The following RAPGEF4 variants were observed in gnomAD, a reference collection of about 807,000 sequenced individuals.
The protein encoded by RAPGEF4 is RAP guanine-nucleotide-exchange factor (GEF) 4.
Under a neutral mutation model 147.9 loss-of-function variants are expected in RAPGEF4, and 66 were observed. The observed-to-expected ratio is 0.45, with a 90% CI of 0.37 to 0.55. RAPGEF4 has a LOEUF of 0.55. Ranked by LOEUF, RAPGEF4 falls within the 20% of genes least tolerant of loss-of-function variation. The pLI, the probability that RAPGEF4 is intolerant of heterozygous loss-of-function variation, is 0.00. For missense variants in RAPGEF4, 1,071 were observed against 1,257.3 expected (o/e 0.85, Z 2.24); for synonymous variants, 419 against 442.7 (o/e 0.95, Z 0.67).
intron 6 of RAPGEF4, among the ~76,000 whole-genome samples, chr2:172,948,188 G>A (rs1327352343): frequency 6.6e-6 from 1 of 152,134 alleles, no homozygotes; most frequent in African/African-American, 2.4e-5. Context: ...ATGGTGAATA[G>A]CACTGCTCTG....
chr2:172,791,566 A>G (rs188973613), intron 1 of RAPGEF4, among the ~76,000 whole-genome samples: 1 of 152,328 alleles, frequency 6.6e-6, no homozygotes, highest in East Asian at 1.9e-4. Flanking sequence ...CACTCCATGA[A>G]GTACCCAATA....
Position 172,774,324 on chromosome 2 carries a change from C to G in RAPGEF4, c.66-20701C>G, listed in dbSNP as rs1387029344. On this transcript the variant is annotated intron_variant, in intron 1 of 30. Transcript: ENST00000397081. The stretch of plus-strand genomic sequence containing the variant: ...TTTTTAAATATCTCTGGTGGCCTTC[C>G]CATGGTTAGCAGAATAAAGTCTGTG... 4.6e-5 allele frequency among the ~76,000 whole-genome samples: 7 copies of G among 152,074 alleles called. No homozygotes were observed. The East Asian group carries it at 1.3e-3, about 29-fold the overall frequency.
At chr2:172,745,637 C>A (rs1694701805) in intron 1 of RAPGEF4, among the ~76,000 whole-genome samples, 1 of 151,920 alleles carries the variant, frequency 6.6e-6, no homozygotes, top group East Asian at 1.9e-4. Context: ...AAAGTGGAAA[C>A]TTAGTTGGTT....
At chr2:173,010,846 T>G (rs1694931398) in intron 17 of RAPGEF4, among the ~76,000 whole-genome samples, 1 of 152,218 alleles carries the variant, frequency 6.6e-6, no homozygotes, top group South Asian at 2.1e-4. Flanking sequence ...ATGTGTTGCC[T>G]CTGGAGGAGC....
chr2:172,788,534 G>C (rs995959720), intron 1 of RAPGEF4, among the ~76,000 whole-genome samples: 6 of 152,036 alleles, frequency 3.9e-5, no homozygotes, highest in Non-Finnish European at 7.4e-5. Context: ...GTTTTCATGT[G>C]GCAGGAGTCT....
intron 4 of RAPGEF4, among the ~76,000 whole-genome samples, chr2:172,906,953 G>T (rs1189806556): frequency 6.6e-6 from 1 of 152,214 alleles, no homozygotes; most frequent in Non-Finnish European, 1.5e-5. Flanking sequence ...CTACCTCTAG[G>T]CCATATGGAG....
rs191096779 is a variant in RAPGEF4 at position 172,962,655 on chromosome 2, A to T, written c.698+1427A>T. On this transcript the variant is annotated intron_variant, in intron 8 of 30. Coordinates refer to ENST00000397081, the MANE Select transcript of RAPGEF4 (RefSeq NM_007023.4). ...GTTAGAAGACCAAAATTGACAGTGT[A>T]TTACATTTAGATTGGCCTCTTGTTG... Among the ~76,000 whole-genome samples the T allele has an allele frequency of 1.2e-4, 19 of 152,150 alleles. No individual in the cohort carries two copies. The East Asian group carries it at 3.5e-3, about 28-fold the overall frequency.
At chr2:172,864,148 A>G (rs888585153) in intron 4 of RAPGEF4, among the ~76,000 whole-genome samples, 4 of 152,124 alleles carry the variant, frequency 2.6e-5, no homozygotes, top group Admixed American at 2.0e-4. Flanking sequence ...CATGGGTTCT[A>G]CCTTTACCCA....
intron 17 of RAPGEF4, among the ~76,000 whole-genome samples, chr2:173,008,681 A>G (rs1281690429): frequency 6.6e-6 from 1 of 152,228 alleles, no homozygotes; most frequent in African/African-American, 2.4e-5. Flanking sequence ...GCTGTAATGA[A>G]TCTGCTGCCT....
chr2:172,978,490 G>T (rs1012681969), intron 10 of RAPGEF4, among the ~76,000 whole-genome samples: 2 of 152,172 alleles, frequency 1.3e-5, no homozygotes, highest in Non-Finnish European at 2.9e-5. Flanking sequence ...TCCTCCTGGG[G>T]CGTCTGTCTT....
At chr2:172,891,086 A>G (rs986806279) in intron 4 of RAPGEF4, among the ~76,000 whole-genome samples, 7 of 152,174 alleles carry the variant, frequency 4.6e-5, no homozygotes, top group Non-Finnish European at 8.8e-5. Flanking sequence ...AGCTGAGATC[A>G]TGCCACTCTA....
chr2:172,783,117 A>G (rs1684832694), intron 1 of RAPGEF4, among the ~76,000 whole-genome samples: 2 of 152,228 alleles, frequency 1.3e-5, no homozygotes, highest in African/African-American at 2.4e-5. Flanking sequence ...CATTCTTTAG[A>G]TATTAGCAGG....
At chr2:172,763,455 G>C (rs976389332) in intron 1 of RAPGEF4, among the ~76,000 whole-genome samples, 6 of 152,150 alleles carry the variant, frequency 3.9e-5, no homozygotes, top group Non-Finnish European at 8.8e-5. Context: ...TGAGAAATCA[G>C]ATCAGACTTT....
intron 4 of RAPGEF4, among the ~76,000 whole-genome samples, chr2:172,890,118 C>T (rs937730596): frequency 1.2e-4 from 18 of 152,266 alleles, no homozygotes; most frequent in Admixed American, 1.0e-3. Flanking sequence ...CAATGTGAAC[C>T]GAAAATAATT....
intron 4 of RAPGEF4, among the ~76,000 whole-genome samples, chr2:172,850,168 G>A (rs1461530844): frequency 6.6e-6 from 1 of 152,012 alleles, no homozygotes; most frequent in Non-Finnish European, 1.5e-5. Context: ...AAAGCATCTG[G>A]AATATGATCT....
At chr2:172,767,887 G>A (rs959346902) in intron 1 of RAPGEF4, among the ~76,000 whole-genome samples, 2 of 152,110 alleles carry the variant, frequency 1.3e-5, no homozygotes, top group African/African-American at 4.8e-5. Flanking sequence ...ATGTTGCCCA[G>A]GCTGGAGTGC....
chr2:172,991,350 G>A (rs73017506), intron 15 of RAPGEF4, among the ~76,000 whole-genome samples: 1,713 of 152,216 alleles, frequency 0.011, 32 homozygotes, highest in African/African-American at 0.039. Context: ...CAGAATGAGC[G>A]TCTTTGATGG....
At position 172,901,180 on chromosome 2, in the gene RAPGEF4, A is replaced by G. The variant is rs111449067; in HGVS notation, c.445-16622A>G. Among the ~76,000 whole-genome samples the G allele has an allele frequency of 2.4e-3, 369 of 152,352 alleles. 1 individual carries two copies. The highest frequency in any genetic ancestry group is 8.0e-3 in the African/African-American group (332 of 41,580). On this transcript the variant is annotated intron_variant, in intron 4 of 30. Transcript: ENST00000397081. ...AACCGAAATCATAAGTGGGCCACAC[A>G]TGGGTTTTTTAAAACTAAATTTTCA... is the stretch of plus-strand genomic sequence containing the variant.
chr2:172,917,068 A>G (rs970961913), intron 4 of RAPGEF4, among the ~76,000 whole-genome samples: 4 of 152,168 alleles, frequency 2.6e-5, no homozygotes, highest in African/African-American at 9.7e-5. Flanking sequence ...ACTCCTCTCT[A>G]GTTGGATGCT....
Sources: gnomAD v4.1 joint callset for allele counts (sites outside exome capture counted in the v4.1 genomes callset) on GRCh38, gnomAD v4.1.1 for gene constraint, MANE v1.5 for transcripts, NCBI Gene and HGNC (gene_info 2026-07-23, HGNC 2026-07-21) for gene names.